The following FAIM variants were observed in gnomAD, a reference collection of about 807,000 sequenced individuals.
The protein encoded by FAIM is Fas apoptotic inhibitory molecule, also known as fas apoptotic inhibitory molecule 1.
A neutral mutation model predicts 21.2 loss-of-function variants in FAIM; 14 were observed. The observed-to-expected ratio is 0.66, with a 90% CI of 0.44 to 1.03. The LOEUF is 1.03. Among genes scored for constraint, FAIM ranks in the 50% least tolerant of loss-of-function variants. The pLI is 0.00. For missense variants in FAIM, 222 were observed against 247.1 expected, an observed-to-expected ratio of 0.90 and a Z score of 0.68; for synonymous variants, 86 against 80.4, an observed-to-expected ratio of 1.07 and a Z score of -0.37.
Position 138,622,320 on chromosome 3 carries a change from A to T in FAIM, c.310A>T (p.Asn104Tyr). 1 of 1,614,014 alleles carries T rather than the reference A, an allele frequency of 6.2e-7. No homozygotes were observed. The highest frequency in any genetic ancestry group is 8.5e-7 in the Non-Finnish European group (1 of 1,179,982). ...TGCTTATGAATATACTCTGGAAATT[A>T]ATGGGAAAAGTCTCAAGAAGTATAT... ...GFAYEYTLEI[N>Y]GKSLKKYMED... Residue 104 changes from asparagine to tyrosine, a missense_variant, in exon 4 of 6, where the codon AAT becomes TAT. Physicochemically the swap from Asn to Tyr is moderately radical, Grantham distance 143. Transcript: ENST00000360570.
intron 1 of FAIM, among the ~76,000 whole-genome samples, chr3:138,618,268 A>G (rs1037401507): frequency 1.1e-4 from 17 of 152,142 alleles, no homozygotes; most frequent in African/African-American, 3.1e-4. Context: ...AATTTTATAA[A>G]AGAGAGATTT....
intron 1 of FAIM, 121 bp from the exon 2 acceptor site, chr3:138,619,590 G>A: frequency 1.3e-6 from 1 of 775,560 alleles, no homozygotes; most frequent in Non-Finnish European, 2.1e-6. Flanking sequence ...GAAACTCCAT[G>A]TAATTTAATA....
chr3:138,627,156 T>C (rs1193652019), intron 4 of FAIM, among the ~76,000 whole-genome samples: 1 of 152,008 alleles, frequency 6.6e-6, no homozygotes, highest in Non-Finnish European at 1.5e-5. Context: ...TGTGCATTTT[T>C]CTTCAATTGT....
chr3:138,610,904 C>T, intron 1 of FAIM: 1 of 1,525,500 alleles, frequency 6.6e-7, no homozygotes, highest in Non-Finnish European at 9.1e-7. Flanking sequence ...AAGTTTTAAA[C>T]CAAAGCCTTC....
chr3:138,628,483 T>G (rs1577017824), intron 4 of FAIM, among the ~76,000 whole-genome samples: 1 of 151,562 alleles, frequency 6.6e-6, no homozygotes, highest in East Asian at 1.9e-4. Context: ...ATTTATTTAT[T>G]TATTTATTTA....
chr3:138,632,845 T>C, intron 5 of FAIM, 85 bp from the exon 6 acceptor site: 1 of 1,322,190 alleles, frequency 7.6e-7, no homozygotes, highest in Non-Finnish European at 1.0e-6. Flanking sequence ...TTTATTGCAC[T>C]ACTAGTACTT....
chr3:138,621,190 G>A (rs549281883), intron 2 of FAIM: 7 of 503,114 alleles, frequency 1.4e-5, no homozygotes, highest in South Asian at 7.6e-5. Flanking sequence ...AGAAGTAATC[G>A]GACTATGTAC....
At chr3:138,622,971 C>T (rs139159067) in intron 4 of FAIM, among the ~76,000 whole-genome samples, 158 of 147,208 alleles carry the variant, frequency 1.1e-3, no homozygotes, top group African/African-American at 3.9e-3. Flanking sequence ...ATCCAGGAGG[C>T]GGAGATTGCA....
intron 1 of FAIM, among the ~76,000 whole-genome samples, chr3:138,617,904 A>G (rs1296022524): frequency 6.8e-6 from 1 of 146,874 alleles, no homozygotes; most frequent in Non-Finnish European, 1.5e-5. Context: ...TAGATACTAT[A>G]TATACTATAT....
At chr3:138,612,849 T>C (rs879166480) in intron 1 of FAIM, among the ~76,000 whole-genome samples, 2 of 152,206 alleles carry the variant, frequency 1.3e-5, no homozygotes, top group Admixed American at 1.3e-4. Flanking sequence ...CTGATTATTT[T>C]CTGTTTATTT....
At chr3:138,624,612 G>A (rs1209768059) in intron 4 of FAIM, among the ~76,000 whole-genome samples, 1 of 152,130 alleles carries the variant, frequency 6.6e-6, no homozygotes, top group African/African-American at 2.4e-5. Context: ...GATATTGCTT[G>A]CACTTCTGCT....
intron 4 of FAIM, among the ~76,000 whole-genome samples, chr3:138,628,422 A>G (rs187022168): frequency 1.3e-5 from 2 of 152,066 alleles, no homozygotes; most frequent in Non-Finnish European, 2.9e-5. Context: ...GGCATTTTGT[A>G]TGGAAGGGTC....
chr3:138,612,109 T>A (rs2042775412), intron 1 of FAIM, among the ~76,000 whole-genome samples: 1 of 148,092 alleles, frequency 6.8e-6, no homozygotes, highest in Non-Finnish European at 1.5e-5. Context: ...TTTTTTTTTT[T>A]TTTTTTTTTG....
intron 4 of FAIM, among the ~76,000 whole-genome samples, chr3:138,625,948 A>T (rs950313371): frequency 5.3e-5 from 8 of 152,194 alleles, no homozygotes; most frequent in African/African-American, 1.4e-4. Flanking sequence ...TAGCATTCTC[A>T]GCTCTTGTAG....
intron 3 of FAIM, among the ~76,000 whole-genome samples, chr3:138,621,851 C>T (rs2108346974): frequency 6.6e-6 from 1 of 152,060 alleles, no homozygotes. Context: ...GGCGCAGTCT[C>T]AGCTCACCAC....
chr3:138,630,698 A>G (rs1397108824), intron 5 of FAIM: 1 of 152,164 alleles, frequency 6.6e-6, no homozygotes, highest in Non-Finnish European at 1.5e-5. Context: ...TGTGTGCCCA[A>G]TGCCATACCT....
intron 1 of FAIM, among the ~76,000 whole-genome samples, chr3:138,618,320 C>T (rs1332264689): frequency 6.6e-6 from 1 of 151,934 alleles, no homozygotes; most frequent in Non-Finnish European, 1.5e-5. Context: ...TTCTAAAATC[C>T]TTGGCTTTTC....
intron 4 of FAIM, among the ~76,000 whole-genome samples, chr3:138,628,163 C>T (rs1196232553): frequency 6.6e-6 from 1 of 152,156 alleles, no homozygotes; most frequent in Non-Finnish European, 1.5e-5. Flanking sequence ...CATATTGTTC[C>T]TTAGTGTGCA....
At chr3:138,611,346 T>C (rs942289034) in intron 1 of FAIM, among the ~76,000 whole-genome samples, 1 of 152,082 alleles carries the variant, frequency 6.6e-6, no homozygotes, top group Non-Finnish European at 1.5e-5. Flanking sequence ...ATTTAAAGTA[T>C]ACAATTCTTT....
Sources: gnomAD v4.1 joint callset for allele counts (sites outside exome capture counted in the v4.1 genomes callset) on GRCh38, gnomAD v4.1.1 for gene constraint, MANE v1.5 for transcripts, NCBI Gene and HGNC (gene_info 2026-07-23, HGNC 2026-07-21) for gene names.